Variants in GRID1 observed in about 807,000 individuals in gnomAD.
The protein encoded by GRID1 is glutamate receptor ionotropic, delta-1.
A neutral mutation model predicts 98.0 loss-of-function variants in GRID1; 28 were observed. That is an observed-to-expected ratio of 0.29 (90% CI 0.21 to 0.39). The LOEUF (loss-of-function observed/expected upper bound fraction) is 0.39. Among genes scored for constraint, GRID1 ranks in the 10% least tolerant of loss-of-function variants. The pLI, the probability that GRID1 is intolerant of heterozygous loss-of-function variation, is 1.00. For missense variants in GRID1, 1,111 were observed against 1,340.5 expected (o/e 0.83, Z 2.67); for synonymous variants, 553 against 538.5 (o/e 1.03, Z -0.37).
At chr10:86,343,991 T>C (rs2195197) in intron 2 of GRID1, among the ~76,000 whole-genome samples, 145,463 of 152,374 alleles carry the variant, frequency 0.95, 69,547 homozygotes, top group East Asian at 1. Flanking sequence ...TCCATCTCTG[T>C]GTCATGAAGG....
intron 15 of GRID1, among the ~76,000 whole-genome samples, chr10:85,612,739 A>G (rs1247795801): frequency 6.6e-6 from 1 of 152,026 alleles, no homozygotes; most frequent in Non-Finnish European, 1.5e-5. Context: ...TTTCAGAAAA[A>G]AAAAAAAATT....
chr10:85,880,953 A>C (rs939065381), intron 5 of GRID1, among the ~76,000 whole-genome samples: 1 of 152,210 alleles, frequency 6.6e-6, no homozygotes, highest in Non-Finnish European at 1.5e-5. Context: ...ATGTACAAAA[A>C]TCACAAGCAT....
At chr10:85,871,949 A>T (rs1266233942) in intron 5 of GRID1, among the ~76,000 whole-genome samples, 5 of 152,146 alleles carry the variant, frequency 3.3e-5, no homozygotes, top group Non-Finnish European at 7.3e-5. Flanking sequence ...TGTTCAAGGG[A>T]AGATGATTTT....
chr10:85,742,532 T>A (rs1315146560), intron 8 of GRID1, among the ~76,000 whole-genome samples: 1 of 152,216 alleles, frequency 6.6e-6, no homozygotes, highest in Non-Finnish European at 1.5e-5. Flanking sequence ...TTTAAAAAAA[T>A]TGTTTAATTG....
intron 15 of GRID1, among the ~76,000 whole-genome samples, chr10:85,608,598 C>A (rs1344713493): frequency 6.6e-6 from 1 of 152,198 alleles, no homozygotes; most frequent in East Asian, 1.9e-4. Context: ...GAATTATATT[C>A]ATCACCCCTT....
chr10:86,006,954 G>C (rs1337035034), intron 4 of GRID1, among the ~76,000 whole-genome samples: 1 of 152,066 alleles, frequency 6.6e-6, no homozygotes, highest in Non-Finnish European at 1.5e-5. Context: ...CCTATAGAAG[G>C]GATGGTAAAC....
chr10:85,877,555 G>C (rs1840913424), intron 5 of GRID1, among the ~76,000 whole-genome samples: 1 of 152,210 alleles, frequency 6.6e-6, no homozygotes. Flanking sequence ...CTCCAGCTGA[G>C]TGTCCTGTCT....
chr10:85,711,099 A>G (rs1366073659), intron 12 of GRID1, among the ~76,000 whole-genome samples: 2 of 152,052 alleles, frequency 1.3e-5, no homozygotes, highest in African/African-American at 4.8e-5. Flanking sequence ...TAGGATTACC[A>G]TATGATCCAG....
chr10:85,981,220 G>A (rs1842540860), intron 4 of GRID1, among the ~76,000 whole-genome samples: 2 of 152,210 alleles, frequency 1.3e-5, no homozygotes, highest in South Asian at 4.1e-4. Flanking sequence ...TGCCCCTCCT[G>A]CCATAGCAGG....
intron 2 of GRID1, among the ~76,000 whole-genome samples, chr10:86,270,540 A>C (rs12257669): frequency 0.16 from 24,352 of 151,962 alleles, 2,042 homozygotes; most frequent in South Asian, 0.23. Flanking sequence ...AAACACAAAA[A>C]TTAGCCAGGT....
intron 8 of GRID1, among the ~76,000 whole-genome samples, chr10:85,782,036 C>A (rs1842386358): frequency 6.6e-6 from 1 of 152,098 alleles, no homozygotes; most frequent in African/African-American, 2.4e-5. Flanking sequence ...TTCCTAAAGG[C>A]AAAAAATTTA....
chr10:86,003,637 C>G (rs993847884), intron 4 of GRID1, among the ~76,000 whole-genome samples: 2 of 152,210 alleles, frequency 1.3e-5, no homozygotes, highest in Non-Finnish European at 2.9e-5. Context: ...AGGCTGCCAT[C>G]AGCAGACACC....
At chr10:85,928,729 G>A (rs778144451) in intron 4 of GRID1, among the ~76,000 whole-genome samples, 3 of 152,226 alleles carry the variant, frequency 2.0e-5, no homozygotes, top group Admixed American at 1.3e-4. Context: ...TACTGGTTCA[G>A]GGGGTTCCCA....
intron 5 of GRID1, among the ~76,000 whole-genome samples, chr10:85,897,619 G>A (rs1841311881): frequency 6.6e-6 from 1 of 152,054 alleles, no homozygotes; most frequent in Non-Finnish European, 1.5e-5. Flanking sequence ...TGATGATGGT[G>A]ACAAATAAAA....
chr10:85,679,432 C>T lies in GRID1; in HGVS notation c.1998-32035G>A, dbSNP rs569507892. 2.0e-5 allele frequency among the ~76,000 whole-genome samples: 3 copies of T among 152,212 alleles called. No individual in the cohort carries two copies. In the South Asian group the frequency reaches 6.2e-4, roughly 32 times the overall value. ...ACTTTGAAGGCTCTGAGTTTAGCAG[C>T]CCTGACTTTTCCCCGACCAACAGGA... On this transcript the variant is annotated intron_variant, in intron 12 of 15. Coordinates refer to ENST00000327946, the MANE Select transcript of GRID1 (RefSeq NM_017551.3).
chr10:85,734,971 G>A (rs962272708), intron 8 of GRID1, among the ~76,000 whole-genome samples: 12 of 152,234 alleles, frequency 7.9e-5, no homozygotes, highest in South Asian at 6.2e-4. Flanking sequence ...TCTGGCGCTC[G>A]CCACTCTGAA....
chr10:86,057,563 T>A (rs1310238107), intron 4 of GRID1, among the ~76,000 whole-genome samples: 1 of 152,198 alleles, frequency 6.6e-6, no homozygotes, highest in Non-Finnish European at 1.5e-5. Flanking sequence ...ACTGTAGCCT[T>A]CCCTTGCTGG....
At chr10:86,070,519 C>G (rs900807799) in intron 4 of GRID1, among the ~76,000 whole-genome samples, 18 of 152,198 alleles carry the variant, frequency 1.2e-4, no homozygotes, top group Non-Finnish European at 1.6e-4. Flanking sequence ...TCCTGCCTGC[C>G]ATTAGTGTCT....
At chr10:85,999,600 T>C (rs950162240) in intron 4 of GRID1, among the ~76,000 whole-genome samples, 18 of 152,186 alleles carry the variant, frequency 1.2e-4, no homozygotes, top group African/African-American at 4.3e-4. Flanking sequence ...TCTAGCAATA[T>C]GTTGAAAAAT....
Sources: gnomAD v4.1 joint callset for allele counts (sites outside exome capture counted in the v4.1 genomes callset) on GRCh38, gnomAD v4.1.1 for gene constraint, MANE v1.5 for transcripts, NCBI Gene and HGNC (gene_info 2026-07-23, HGNC 2026-07-21) for gene names.